The following PNPLA7 variants were observed in gnomAD, a reference collection of about 807,000 sequenced individuals.
PNPLA7 encodes patatin like domain 7, lysophospholipase.
A neutral mutation model predicts 161.7 loss-of-function variants in PNPLA7; 153 were observed. The ratio of observed to expected loss-of-function variants is 0.95; its 90% CI spans 0.83 to 1.08. PNPLA7 has a LOEUF of 1.08. Ranked by LOEUF, PNPLA7 falls within the 50% of genes least tolerant of loss-of-function variation. The pLI, the probability that PNPLA7 is intolerant of heterozygous loss-of-function variation, is 0.00. For missense variants in PNPLA7, 1,739 were observed against 1,856.6 expected (o/e 0.94, Z 1.16); for synonymous variants, 809 against 782.1 (o/e 1.03, Z -0.57).
intron 11 of PNPLA7, 150 bp downstream of exon 11, chr9:137,519,767 G>C: frequency 9.4e-7 from 1 of 1,067,366 alleles, no homozygotes; most frequent in African/African-American, 1.6e-5. Context: ...TGTGGGACTT[G>C]TAGGGTGACC....
rs1834565671 is a variant in PNPLA7, at chr9:137,516,297, T to A, written c.1085-778A>T. 6.1e-6 allele frequency: 6 copies of A among 983,008 alleles called. No homozygotes were observed. The South Asian group carries it at 2.4e-4, about 39-fold the overall frequency. 60.9% of individuals were successfully genotyped at this position (983,008 alleles called of 1,614,324 possible). ...GGGATGGGCCACGCAGGGCTGCATC[T>A]GCCCCTCAGGTGAAACGAGGAAGGA... On this transcript the variant is annotated intron_variant, in intron 11 of 34. Coordinates refer to ENST00000406427, the MANE Select transcript of PNPLA7 (RefSeq NM_001098537.3).
At chr9:137,503,369 A>G (rs987800870) in intron 14 of PNPLA7, among the ~76,000 whole-genome samples, 1 of 151,704 alleles carries the variant, frequency 6.6e-6, no homozygotes, top group African/African-American at 2.4e-5. Flanking sequence ...TGACAAAGTG[A>G]GACACTGTTT....
chr9:137,500,923 G>T lies in PNPLA7; in HGVS notation c.1552-27C>A. The T allele has an allele frequency of 3.3e-6, 5 of 1,534,444 alleles. No homozygotes were observed. The highest frequency in any genetic ancestry group is 4.4e-6 in the Non-Finnish European group (5 of 1,143,328). On this transcript the variant is annotated intron_variant, in intron 15 of 34. Transcript: ENST00000406427. The surrounding 1 kb of genome is among the most constrained non-coding windows in gnomAD (Gnocchi z 5.5). ...TGACACACGAGAGGGCTCAGGAGGC[G>T]CCGCGAGTGGCCGCGGGCAGGACGG... is the stretch of plus-strand genomic sequence containing the variant.
chr9:137,492,902 A>T, intron 20 of PNPLA7, 111 bp downstream of exon 20: 3 of 810,422 alleles, frequency 3.7e-6, no homozygotes, highest in Non-Finnish European at 5.4e-6. Context: ...GCAGGGCTCC[A>T]GGACAGGGCG....
rs1311266211 is a variant in PNPLA7, at chr9:137,486,073, C to T, written c.2198-1337G>A. On this transcript the variant is annotated intron_variant, in intron 20 of 34. Transcript: ENST00000406427. This position sits in a 1 kb window ranked among gnomAD's most constrained non-coding sequence, Gnocchi z 6.0. ...GTGGATGCTCCTCCTCTGCAGTCCC[C>T]GTGGCCCAGCCCTCTCACAGGCTGT... is the stretch of plus-strand genomic sequence containing the variant. Among the ~76,000 whole-genome samples the T allele has an allele frequency of 7.2e-5, 11 of 151,956 alleles. No individual in the cohort carries two copies. The highest frequency in any genetic ancestry group is 5.9e-4 in the Admixed American group (9 of 15,242).
chr9:137,473,870 C>T (rs1397140257), intron 25 of PNPLA7, among the ~76,000 whole-genome samples: 1 of 152,204 alleles, frequency 6.6e-6, no homozygotes, highest in African/African-American at 2.4e-5. Flanking sequence ...AACAATACAA[C>T]TGCCCCACGA....
rs1379964763 is a variant in PNPLA7, at chr9:137,541,317, C to T, written c.667-595G>A. 1.7e-6 allele frequency: 1 copy of T among 581,100 alleles called. No individual in the cohort carries two copies. Among genetic ancestry groups the T allele is most frequent in the Non-Finnish European group, 2.2e-6 (1 of 460,598 alleles). 36.0% of individuals were successfully genotyped at this position (581,100 alleles called of 1,614,324 possible). ...GCAACGAAAGCCGCTGCTTCACCAGCTGGGCGGCCTCATCCCCAGGAGCTA... is the reference window on the plus strand; with the variant it reads ...GCAACGAAAGCCGCTGCTTCACCAGTTGGGCGGCCTCATCCCCAGGAGCTA... On this transcript the variant is annotated intron_variant, in intron 7 of 34. Transcript: ENST00000406427. The surrounding 1 kb of genome is among the most constrained non-coding windows in gnomAD (Gnocchi z 4.4).
At chr9:137,526,876 G>A (rs1444454282) in intron 8 of PNPLA7, among the ~76,000 whole-genome samples, 1 of 152,160 alleles carries the variant, frequency 6.6e-6, no homozygotes, top group Non-Finnish European at 1.5e-5. Context: ...TGGGAATAGA[G>A]ACTTTTATTT....
At chr9:137,535,752 C>CAA (rs60744369) in intron 8 of PNPLA7, among the ~76,000 whole-genome samples, 23,974 of 98,796 alleles carry the variant, frequency 0.24, 2,488 homozygotes, top group East Asian at 0.61. Context: ...GACCCCGTCT[C>CAA]AAAAAAAAAA....
At chr9:137,491,799 A>G in intron 20 of PNPLA7, 3 of 985,420 alleles carry the variant, frequency 3.0e-6, no homozygotes, top group Non-Finnish European at 3.6e-6. Flanking sequence ...TCCTGCTCCC[A>G]GCCAGCTCAC....
chr9:137,543,585 G>C lies in PNPLA7; in HGVS notation c.366-13C>G. On this transcript the variant is annotated splice_polypyrimidine_tract_variant and intron_variant, in intron 5 of 34. Transcript: ENST00000406427. This position sits in a 1 kb window ranked among gnomAD's most constrained non-coding sequence, Gnocchi z 6.9. ...GAAACGCAGAATCCTACAAGGCAGAGACACACTAGCCTTGAGCAGACCAGG... is the reference window on the plus strand; with the variant it reads ...GAAACGCAGAATCCTACAAGGCAGACACACACTAGCCTTGAGCAGACCAGG... 3 of 1,609,632 alleles carry C rather than the reference G, an allele frequency of 1.9e-6. No homozygotes were observed. The highest frequency in any genetic ancestry group is 2.5e-6 in the Non-Finnish European group (3 of 1,177,730).
In PNPLA7 at chr9:137,522,831, G is replaced by A; in HGVS notation, c.774C>T (p.Val258=). 1.2e-6 allele frequency: 2 copies of A among 1,613,642 alleles called. No homozygotes were observed. Among genetic ancestry groups the A allele is most frequent in the Non-Finnish European group, 1.7e-6 (2 of 1,179,944 alleles). Reference sequence around the variant, plus strand: ...TGGACGGGATGGCCGCGCGGACGGAGACCGTTTTGTAAGGTGCAGCATGGC... The same window carrying A: ...TGGACGGGATGGCCGCGCGGACGGAAACCGTTTTGTAAGGTGCAGCATGGC... ...ITGHAAPYKT[V]SVRAAIPSTI... The change falls in exon 9 of 35, where the codon GTC becomes GTT. Residue 258 remains valine, a synonymous_variant. Coordinates refer to ENST00000406427, the MANE Select transcript of PNPLA7 (RefSeq NM_001098537.3).
Position 137,490,320 on chromosome 9 carries a change from C to G in PNPLA7, c.2197+2693G>C, listed in dbSNP as rs980221686. On this transcript the variant is annotated intron_variant, in intron 20 of 34. Coordinates refer to ENST00000406427, the MANE Select transcript of PNPLA7 (RefSeq NM_001098537.3). The surrounding 1 kb of genome is among the most constrained non-coding windows in gnomAD (Gnocchi z 4.1). ...CTATGTTGCCCGGGCTGGTCTCGAA[C>G]TCTTGGGCTCAAATAATCCTCCTGT... Among the ~76,000 whole-genome samples the G allele has an allele frequency of 6.6e-6, 1 of 152,178 alleles. No homozygotes were observed. Among genetic ancestry groups the G allele is most frequent in the African/African-American group, 2.4e-5 (1 of 41,426 alleles).
intron 25 of PNPLA7, among the ~76,000 whole-genome samples, chr9:137,472,309 G>C (rs2132104110): frequency 6.6e-6 from 1 of 152,016 alleles, no homozygotes; most frequent in South Asian, 2.1e-4. Flanking sequence ...GATGGAGGCT[G>C]GGTACGGTGG....
intron 26 of PNPLA7, among the ~76,000 whole-genome samples, chr9:137,466,006 G>A (rs1299933162): frequency 6.6e-6 from 1 of 152,142 alleles, no homozygotes; most frequent in Non-Finnish European, 1.5e-5. Context: ...AGTGGCCAAA[G>A]TAGTTTACAT....
intron 32 of PNPLA7, 147 bp from the exon 33 acceptor site, chr9:137,461,767 C>T (rs1172008940): frequency 4.2e-6 from 5 of 1,189,850 alleles, no homozygotes; most frequent in Non-Finnish European, 5.8e-6. Flanking sequence ...CGGGGAGATG[C>T]GCAGTCCTGA....
intron 11 of PNPLA7, among the ~76,000 whole-genome samples, chr9:137,517,237 CCTCA>C (rs1834644563): frequency 8.9e-6 from 1 of 112,754 alleles, no homozygotes; most frequent in Non-Finnish European, 1.9e-5. Flanking sequence ...CCACTCCATC[CCTCA>C]CTCACTCACT....
At position 137,540,451 on chromosome 9, in the gene PNPLA7, C is replaced by G. The variant is rs1175878400; in HGVS notation, c.747+191G>C. ...ACCGTTAGCCACATGCCCGGCTATTCTTCAACGCACTGTGGCCAGAATGAA... is the reference window on the plus strand; with the variant it reads ...ACCGTTAGCCACATGCCCGGCTATTGTTCAACGCACTGTGGCCAGAATGAA... On this transcript the variant is annotated intron_variant, in intron 8 of 34. Coordinates refer to ENST00000406427, the MANE Select transcript of PNPLA7 (RefSeq NM_001098537.3). The surrounding 1 kb of genome is among the most constrained non-coding windows in gnomAD (Gnocchi z 5.1). Among the ~76,000 whole-genome samples, 1 of 152,250 alleles carries G rather than the reference C, an allele frequency of 6.6e-6. No homozygotes were observed. The highest frequency in any genetic ancestry group is 6.5e-5 in the Admixed American group (1 of 15,280).
chr9:137,542,808 G>A lies in PNPLA7; in HGVS notation c.507-7C>T. 1.2e-6 allele frequency: 2 copies of A among 1,606,744 alleles called. No homozygotes were observed. The highest frequency in any genetic ancestry group is 8.5e-7 in the Non-Finnish European group (1 of 1,174,502). ...CTCAAAGTGGCCCAGGACCCTGCAA[G>A]AGCCAGAGGGCACTGTGGGACGCCC... On this transcript the variant is annotated splice_region_variant and splice_polypyrimidine_tract_variant and intron_variant, in intron 6 of 34. Transcript: ENST00000406427.
Sources: allele counts gnomAD v4.1 joint callset (sites outside exome capture counted in the v4.1 genomes callset), GRCh38; gene constraint gnomAD v4.1.1; non-coding constraint Gnocchi (gnomAD v3.1); transcripts MANE v1.5; gene names NCBI Gene and HGNC (gene_info 2026-07-23, HGNC 2026-07-21).